RPL39L: variants seen among roughly 807,000 people sequenced by gnomAD.
The protein encoded by RPL39L is ribosomal protein eL39-like 2.
For synonymous variants in RPL39L, 16 were observed against 20.1 expected (o/e 0.80, Z 0.55); for missense variants, 48 against 58.9 (o/e 0.81, Z 0.61).
chr3:187,132,323 AT>A (rs1038860680), intron 1 of RPL39L, among the ~76,000 whole-genome samples: 1 of 152,156 alleles, frequency 6.6e-6, no homozygotes, highest in South Asian at 2.1e-4. Context: ...GAGAATACAG[AT>A]TTTTTTTGAA....
At chr3:187,138,134 G>GA (rs1720617233) in intron 1 of RPL39L, among the ~76,000 whole-genome samples, 1 of 152,070 alleles carries the variant, frequency 6.6e-6, no homozygotes, top group South Asian at 2.1e-4. Flanking sequence ...GTCTAGAGAA[G>GA]AAACTCTTTT....
At chr3:187,129,508 CAAT>C (rs1216087021) in intron 1 of RPL39L, among the ~76,000 whole-genome samples, 23 of 152,228 alleles carry the variant, frequency 1.5e-4, no homozygotes, top group African/African-American at 4.8e-4. Flanking sequence ...TCATTGACAA[CAAT>C]ACCTTAAGCA....
At chr3:187,130,448 G>T (rs776288481) in intron 1 of RPL39L, among the ~76,000 whole-genome samples, 4 of 152,154 alleles carry the variant, frequency 2.6e-5, no homozygotes, top group African/African-American at 9.7e-5. Flanking sequence ...TGGTGCTGCC[G>T]TCGTGACAGT....
intron 1 of RPL39L, among the ~76,000 whole-genome samples, chr3:187,136,494 C>T (rs1720582838): frequency 6.6e-6 from 1 of 152,236 alleles, no homozygotes; most frequent in Non-Finnish European, 1.5e-5. Flanking sequence ...CCTTTCTCTG[C>T]AGCCCTAGAC....
rs1720299449 is a variant in RPL39L, at chr3:187,121,086, G to GT, written c.*58dup. The GT allele has an allele frequency of 1.3e-6, 2 of 1,577,884 alleles. No homozygotes were observed. The highest frequency in any genetic ancestry group is 1.7e-6 in the Non-Finnish European group (2 of 1,150,700). On this transcript the variant is annotated 3_prime_UTR_variant, in exon 3 of 3. Transcript: ENST00000296277. ...GTGGTGACATTTTCAGCTTGATATC[G>GT]TAAGATGATCGTGAACTTGATACAG...
At chr3:187,130,305 A>G (rs546811670) in intron 1 of RPL39L, among the ~76,000 whole-genome samples, 1 of 152,322 alleles carries the variant, frequency 6.6e-6, no homozygotes, top group Non-Finnish European at 1.5e-5. Flanking sequence ...ATTAAATCAC[A>G]ATTACTTTTG....
intron 2 of RPL39L, among the ~76,000 whole-genome samples, chr3:187,127,624 A>G (rs1720421010): frequency 6.6e-6 from 1 of 152,180 alleles, no homozygotes; most frequent in Non-Finnish European, 1.5e-5. Flanking sequence ...ATTCAATCAT[A>G]CAGTTCAAAT....
intron 1 of RPL39L, among the ~76,000 whole-genome samples, chr3:187,135,791 T>C (rs1720569523): frequency 6.6e-6 from 1 of 152,236 alleles, no homozygotes; most frequent in Admixed American, 6.5e-5. Context: ...TAACGAGTTT[T>C]ATTTGGCTTA....
chr3:187,135,314 T>C (rs1163553314), intron 1 of RPL39L, among the ~76,000 whole-genome samples: 12 of 152,174 alleles, frequency 7.9e-5, no homozygotes, highest in African/African-American at 2.4e-4. Context: ...TCATCTTGAA[T>C]TGTAACTTCC....
intron 1 of RPL39L, among the ~76,000 whole-genome samples, chr3:187,136,742 T>C (rs1381242645): frequency 1.3e-5 from 2 of 152,168 alleles, no homozygotes; most frequent in Non-Finnish European, 2.9e-5. Flanking sequence ...CCCAAAGAAA[T>C]ATAATGTGAG....
chr3:187,134,557 C>T (rs1332628060), intron 1 of RPL39L, among the ~76,000 whole-genome samples: 1 of 149,464 alleles, frequency 6.7e-6, no homozygotes, highest in Non-Finnish European at 1.5e-5. Context: ...CTACAGGTCT[C>T]AGGACATTAA....
intron 1 of RPL39L, among the ~76,000 whole-genome samples, chr3:187,128,886 G>A (rs968298769): frequency 1.3e-5 from 2 of 152,172 alleles, no homozygotes; most frequent in African/African-American, 2.4e-5. Flanking sequence ...TACGTCCAAC[G>A]TCCATTTATG....
At chr3:187,136,689 A>G (rs914136280) in intron 1 of RPL39L, among the ~76,000 whole-genome samples, 11 of 151,844 alleles carry the variant, frequency 7.2e-5, no homozygotes, top group African/African-American at 2.4e-4. Context: ...TCTGAACATT[A>G]TAAGAAGTTT....
In RPL39L at chr3:187,130,333, G is replaced by A. The variant is rs568143629; in HGVS notation, c.-92-2271C>T. Among the ~76,000 whole-genome samples the A allele has an allele frequency of 2.0e-5, 3 of 152,292 alleles. No individual in the cohort carries two copies. The East Asian group carries it at 5.8e-4, about 29-fold the overall frequency. ...TACTTTTGCACCAATCTAATAGTTT[G>A]GATATTTGTCCCCACCCAAATCTCA... On this transcript the variant is annotated intron_variant, in intron 1 of 2. Coordinates refer to ENST00000296277, the MANE Select transcript of RPL39L (RefSeq NM_052969.3).
intron 2 of RPL39L, among the ~76,000 whole-genome samples, chr3:187,126,872 T>C (rs376707188): frequency 1.3e-5 from 2 of 152,310 alleles, no homozygotes; most frequent in African/African-American, 4.8e-5. Context: ...TACAACAATC[T>C]GGGATCCAAA....
intron 1 of RPL39L, among the ~76,000 whole-genome samples, chr3:187,136,696 G>C (rs945644813): frequency 6.6e-6 from 1 of 152,106 alleles, no homozygotes; most frequent in Non-Finnish European, 1.5e-5. Flanking sequence ...ATTATAAGAA[G>C]TTTCCAATAT....
chr3:187,134,622 C>A (rs1009175767), intron 1 of RPL39L, among the ~76,000 whole-genome samples: 6 of 152,076 alleles, frequency 3.9e-5, no homozygotes, highest in Non-Finnish European at 8.8e-5. Context: ...ACTTAGTCAT[C>A]GAAGTCTTGT....
At chr3:187,132,619 C>A (rs948766830) in intron 1 of RPL39L, among the ~76,000 whole-genome samples, 3 of 152,222 alleles carry the variant, frequency 2.0e-5, no homozygotes, top group African/African-American at 4.8e-5. Context: ...TGGTTTCTCA[C>A]TATCTCAAGA....
chr3:187,138,715 T>C (rs1720630660), intron 1 of RPL39L, among the ~76,000 whole-genome samples: 1 of 152,140 alleles, frequency 6.6e-6, no homozygotes, highest in Non-Finnish European at 1.5e-5. Context: ...TTATTGTCGA[T>C]TTCCTCCTTC....
Sources: gnomAD v4.1 joint callset for allele counts (sites outside exome capture counted in the v4.1 genomes callset) on GRCh38, gnomAD v4.1.1 for gene constraint, MANE v1.5 for transcripts, NCBI Gene and HGNC (gene_info 2026-07-23, HGNC 2026-07-21) for gene names.